The following SLC68A1 variants were observed in gnomAD, a reference collection of about 807,000 sequenced individuals.
SLC68A1 encodes the protein solute carrier family 68 member 1, also known as major facilitator superfamily domain containing 13A.
At chr10:102,467,984 A>G in the SLC68A1 span, among the ~76,000 whole-genome samples, 1 of 151,492 alleles carries the variant, frequency 6.6e-6, no homozygotes, top group Admixed American at 6.6e-5. Context: ...TAAGCATAGG[A>G]TGGGGGTGTG....
the SLC68A1 span, chr10:102,468,967 GA>G: frequency 1.4e-6 from 2 of 1,477,614 alleles, no homozygotes; most frequent in Non-Finnish European, 1.8e-6. Flanking sequence ...ACGAGGATGG[GA>G]AGACCGCCTG....
chr10:102,465,738 TG>T, the SLC68A1 span, among the ~76,000 whole-genome samples: 1 of 152,106 alleles, frequency 6.6e-6, no homozygotes, highest in South Asian at 2.1e-4. Flanking sequence ...GAGGTGGGGC[TG>T]CTGTTCTCTG....
the SLC68A1 span, among the ~76,000 whole-genome samples, chr10:102,469,453 C>G: frequency 6.6e-6 from 1 of 152,044 alleles, no homozygotes. Flanking sequence ...AATATGTTCA[C>G]GTATATGAAT....
chr10:102,475,751 AC>A, the SLC68A1 span: 1 of 1,610,054 alleles, frequency 6.2e-7, no homozygotes. Flanking sequence ...GTCCCTCATA[AC>A]CCCTGTGGGG....
chr10:102,469,365 ACTC>A, the SLC68A1 span, among the ~76,000 whole-genome samples: 1 of 149,738 alleles, frequency 6.7e-6, no homozygotes, highest in African/African-American at 2.5e-5. Flanking sequence ...GGCCTTGATG[ACTC>A]CTCCTCGATG....
chr10:102,469,213 G>A, the SLC68A1 span: 1 of 1,613,804 alleles, frequency 6.2e-7, no homozygotes, highest in Non-Finnish European at 8.5e-7. Flanking sequence ...GCCAGTGCTG[G>A]GTGGCTAACA....
At chr10:102,475,785 C>T in the SLC68A1 span, 1 of 1,614,026 alleles carries the variant, frequency 6.2e-7, no homozygotes, top group South Asian at 1.1e-5. Context: ...TGGCCAGAGC[C>T]CCCAGCTCCA....
the SLC68A1 span, among the ~76,000 whole-genome samples, chr10:102,464,179 C>T: frequency 6.6e-6 from 1 of 152,200 alleles, no homozygotes; most frequent in Non-Finnish European, 1.5e-5. Flanking sequence ...TGAAACCACA[C>T]GGTGGCTCTC....
At chr10:102,465,841 A>T in the SLC68A1 span, 1 of 151,940 alleles carries the variant, frequency 6.6e-6, no homozygotes, top group Admixed American at 6.6e-5. Context: ...TAAAAGAGTA[A>T]CCCTGCACAC....
chr10:102,462,488 G>T, the SLC68A1 span, among the ~76,000 whole-genome samples: 1 of 152,082 alleles, frequency 6.6e-6, no homozygotes, highest in African/African-American at 2.4e-5. Context: ...CACTCCAGGG[G>T]CCCAGTTCGG....
chr10:102,472,623 T>C, the SLC68A1 span, among the ~76,000 whole-genome samples: 176 of 152,320 alleles, frequency 1.2e-3, 1 homozygote, highest in African/African-American at 4.0e-3. Context: ...GCTCCAGTAC[T>C]ATTTTGCCGT....
the SLC68A1 span, chr10:102,469,233 G>T: frequency 1.2e-6 from 2 of 1,610,308 alleles, no homozygotes; most frequent in Non-Finnish European, 1.7e-6. Flanking sequence ...ATGGAGGAGG[G>T]GGTGGGGTGG....
chr10:102,474,293 C>T, the SLC68A1 span, among the ~76,000 whole-genome samples: 1 of 152,060 alleles, frequency 6.6e-6, no homozygotes, highest in African/African-American at 2.4e-5. Flanking sequence ...TCTTTGCCAC[C>T]ACGGAGCTTG....
the SLC68A1 span, chr10:102,469,242 G>A: frequency 6.9e-6 from 11 of 1,600,060 alleles, no homozygotes; most frequent in East Asian, 2.0e-4. Flanking sequence ...GGGGTGGGGT[G>A]GAGACTAGAG....
At chr10:102,469,034 G>A in the SLC68A1 span, 2 of 1,612,428 alleles carry the variant, frequency 1.2e-6, no homozygotes, top group East Asian at 4.5e-5. Context: ...GCAGCCATGG[G>A]GCTGGGTCAG....
At chr10:102,473,535 C>A in the SLC68A1 span, 4 of 1,564,698 alleles carry the variant, frequency 2.6e-6, no homozygotes, top group Non-Finnish European at 3.5e-6. Context: ...TGCAGCAGTG[C>A]CCTTGACAAG....
At chr10:102,473,658 C>T in the SLC68A1 span, 1 of 1,614,158 alleles carries the variant, frequency 6.2e-7, no homozygotes, top group Admixed American at 1.7e-5. Flanking sequence ...TGCGGGGGCT[C>T]TTCCTGCTCA....
chr10:102,468,997 G>A, the SLC68A1 span: 27 of 1,588,322 alleles, frequency 1.7e-5, no homozygotes, highest in Non-Finnish European at 2.1e-5. Context: ...AGCCCTCCCC[G>A]GTGCTCCTGG....
chr10:102,472,970 G>A, the SLC68A1 span: 3 of 1,576,064 alleles, frequency 1.9e-6, no homozygotes, highest in East Asian at 4.5e-5. Context: ...GACCTTGGGT[G>A]CTTCATGCAA....
Sources: gnomAD v4.1 joint callset for allele counts (sites outside exome capture counted in the v4.1 genomes callset) on GRCh38, gnomAD v4.1.1 for gene constraint, MANE v1.5 for transcripts, NCBI Gene and HGNC (gene_info 2026-07-23, HGNC 2026-07-21) for gene names.